Variants in TBL1Y observed in about 807,000 individuals in gnomAD.
The protein encoded by TBL1Y is F-box-like/WD repeat-containing protein TBL1Y.
Under a neutral mutation model 12.0 loss-of-function variants are expected in TBL1Y, and 15 were observed. That is an observed-to-expected ratio of 1.25 (90% CI 0.83 to 1.92). TBL1Y has a LOEUF of 1.92. Ranked by LOEUF, TBL1Y falls within the 40% of genes most tolerant of loss-of-function variation. The pLI, the probability that TBL1Y is intolerant of heterozygous loss-of-function variation, is 0.00. For synonymous variants in TBL1Y, 53 were observed against 42.6 expected, an observed-to-expected ratio of 1.24 and a Z score of -0.95; for missense variants, 148 against 116.7, an observed-to-expected ratio of 1.27 and a Z score of -1.24.
chrY:6,968,360 T>A, intron 2 of TBL1Y, among the ~76,000 whole-genome samples: 1 of 33,168 alleles, frequency 3.0e-5, no homozygotes, highest in Non-Finnish European at 7.4e-5. Flanking sequence ...CTTTTGGAAG[T>A]GATGAAGGTG....
At chrY:7,068,930 AAG>A (rs776899315) in intron 8 of TBL1Y, among the ~76,000 whole-genome samples, 248 of 27,835 alleles carry the variant, frequency 8.9e-3, no homozygotes, top group Middle Eastern at 0.043. Flanking sequence ...CAGAGAATGA[AAG>A]AGTCACCAAC....
chrY:6,927,829 C>T (rs2011836671), intron 2 of TBL1Y, among the ~76,000 whole-genome samples: 1 of 32,405 alleles, frequency 3.1e-5, no homozygotes, highest in African/African-American at 1.2e-4. Flanking sequence ...TTTCCAGACA[C>T]GTATTTCGTC....
intron 18 of TBL1Y, 55 bp downstream of exon 18, chrY:7,090,245 T>A: frequency 3.3e-6 from 1 of 303,185 alleles, no homozygotes; most frequent in South Asian, 3.4e-5. Flanking sequence ...GGGGGATAAG[T>A]GAAATCAGGC....
At chrY:6,944,835 T>C (rs934849301) in intron 2 of TBL1Y, among the ~76,000 whole-genome samples, 5 of 33,719 alleles carry the variant, frequency 1.5e-4, no homozygotes, top group Admixed American at 1.3e-3. Flanking sequence ...CTTTTGACTG[T>C]AATGCATAAT....
intron 2 of TBL1Y, among the ~76,000 whole-genome samples, chrY:6,958,624 G>A (rs1603029719): frequency 3.1e-5 from 1 of 32,606 alleles, no homozygotes; most frequent in South Asian, 7.5e-4. Context: ...GTCGTAGGAG[G>A]GCAGGGTGAT....
chrY:7,020,835 G>A, intron 4 of TBL1Y, among the ~76,000 whole-genome samples: 1 of 33,633 alleles, frequency 3.0e-5, no homozygotes, highest in African/African-American at 1.2e-4. Context: ...GAGAAGTTGA[G>A]ATGTCAGTTG....
intron 8 of TBL1Y, among the ~76,000 whole-genome samples, chrY:7,066,515 C>T (rs2012984523): frequency 3.0e-5 from 1 of 32,961 alleles, no homozygotes; most frequent in African/African-American, 1.2e-4. Flanking sequence ...TACAGGCACA[C>T]ACCACCACAC....
chrY:7,014,974 A>G (rs2012541595), intron 4 of TBL1Y, among the ~76,000 whole-genome samples: 1 of 33,573 alleles, frequency 3.0e-5, no homozygotes, highest in Non-Finnish European at 7.4e-5. Context: ...AGGCTCATGC[A>G]GAACTGCCCT....
chrY:7,054,903 C>A, intron 7 of TBL1Y, among the ~76,000 whole-genome samples: 1 of 34,169 alleles, frequency 2.9e-5, no homozygotes, highest in African/African-American at 1.1e-4. Context: ...ACGAGGCTTG[C>A]CACCATCTTG....
At chrY:6,916,132 C>T (rs2011732939) in intron 2 of TBL1Y, among the ~76,000 whole-genome samples, 2 of 32,299 alleles carry the variant, frequency 6.2e-5, no homozygotes, top group Non-Finnish European at 1.5e-4. Context: ...AAGTAACTGA[C>T]CTCTTGAGTC....
intron 7 of TBL1Y, among the ~76,000 whole-genome samples, chrY:7,057,559 A>G (rs764903058): frequency 1.4e-3 from 46 of 32,992 alleles, no homozygotes; most frequent in Middle Eastern, 0.014. Context: ...AAGTACACCC[A>G]TTTCGGCTGT....
At position 6,957,187 on chromosome Y, in the gene TBL1Y, C is replaced by G. The variant is rs779840691; in HGVS notation, c.-265-21026C>G. ...ACACATTAAACAAAAGCAATTGTTACGCTTGTGCGCATGGCAGGCCAGAGG... is the reference window on the plus strand; with the variant it reads ...ACACATTAAACAAAAGCAATTGTTAGGCTTGTGCGCATGGCAGGCCAGAGG... On this transcript the variant is annotated intron_variant, in intron 2 of 18. Transcript: ENST00000383032. 2.6e-4 allele frequency among the ~76,000 whole-genome samples: 9 copies of G among 34,876 alleles called. No homozygotes were observed. In the East Asian group the frequency reaches 6.9e-3, roughly 27 times the overall value. 93.6% of individuals were successfully genotyped at this position (34,876 alleles called of 37,273 possible).
chrY:6,987,863 T>A, intron 3 of TBL1Y, among the ~76,000 whole-genome samples: 1 of 33,014 alleles, frequency 3.0e-5, no homozygotes, highest in African/African-American at 1.2e-4. Flanking sequence ...TTGGTGCAGA[T>A]CAGATGCTGC....
intron 2 of TBL1Y, among the ~76,000 whole-genome samples, chrY:6,976,749 G>C: frequency 5.9e-5 from 2 of 33,618 alleles, no homozygotes; most frequent in Non-Finnish European, 1.5e-4. Context: ...TTTGTTGGGA[G>C]AGTTCAGTTA....
At chrY:7,077,442 C>A (rs1055795024) in intron 13 of TBL1Y, among the ~76,000 whole-genome samples, 1 of 33,431 alleles carries the variant, frequency 3.0e-5, no homozygotes, top group African/African-American at 1.2e-4. Context: ...GGACAAGGGG[C>A]CTTCCTTTTA....
chrY:7,057,120 G>A, intron 7 of TBL1Y, among the ~76,000 whole-genome samples: 1 of 32,734 alleles, frequency 3.1e-5, no homozygotes, highest in Non-Finnish European at 7.5e-5. Flanking sequence ...GGTGGAGCAG[G>A]TAATCAGAAT....
chrY:6,990,661 C>T (rs746690540), intron 3 of TBL1Y, among the ~76,000 whole-genome samples: 5 of 27,931 alleles, frequency 1.8e-4, no homozygotes, highest in African/African-American at 4.3e-4. Context: ...CGGGCTCACA[C>T]CATTCTCCTG....
chrY:6,991,337 G>A, intron 3 of TBL1Y, among the ~76,000 whole-genome samples: 1 of 33,245 alleles, frequency 3.0e-5, no homozygotes, highest in South Asian at 7.0e-4. Flanking sequence ...AGAAAGCAGG[G>A]ATGAGACAGC....
Position 7,070,346 on chromosome Y carries a change from G to A in TBL1Y, c.590+18G>A, listed in dbSNP as rs757920845. The A allele has an allele frequency of 2.5e-6, 1 of 396,421 alleles. No homozygotes were observed. Among genetic ancestry groups the A allele is most frequent in the South Asian group, 3.0e-5 (1 of 33,191 alleles). On this transcript the variant is annotated intron_variant, in intron 9 of 18. Coordinates refer to ENST00000383032, the MANE Select transcript of TBL1Y (RefSeq NM_033284.2). Reference sequence around the variant, plus strand: ...GCCTCTGGGTAAGGAAGTCAGGATGGGGGCACTCCAGGGTCAGGGAGACGC... The same window carrying A: ...GCCTCTGGGTAAGGAAGTCAGGATGAGGGCACTCCAGGGTCAGGGAGACGC...
Sources: gnomAD v4.1 joint callset for allele counts (sites outside exome capture counted in the v4.1 genomes callset) on GRCh38, gnomAD v4.1.1 for gene constraint, MANE v1.5 for transcripts, NCBI Gene and HGNC (gene_info 2026-07-23, HGNC 2026-07-21) for gene names.